Variants in RNFT2 observed in about 807,000 individuals in gnomAD.
The protein encoded by RNFT2 is ring finger protein, transmembrane 2.
A neutral mutation model predicts 53.0 loss-of-function variants in RNFT2; 36 were observed. The ratio of observed to expected loss-of-function variants is 0.68; its 90% CI spans 0.52 to 0.90. The LOEUF (loss-of-function observed/expected upper bound fraction) is 0.90. RNFT2 is among the 40% of genes least tolerant of loss of function. The pLI is 0.00. For synonymous variants in RNFT2, 260 were observed against 253.2 expected, an observed-to-expected ratio of 1.03 and a Z score of -0.26; for missense variants, 514 against 585.6, an observed-to-expected ratio of 0.88 and a Z score of 1.26.
chr12:116,767,785 G>A (rs1592947062), intron 6 of RNFT2, among the ~76,000 whole-genome samples: 1 of 151,278 alleles, frequency 6.6e-6, no homozygotes, highest in African/African-American at 2.4e-5. Flanking sequence ...TCACCATATT[G>A]GTCAAGCTGG....
At chr12:116,844,667 G>A (rs1327604654) in intron 10 of RNFT2, among the ~76,000 whole-genome samples, 1 of 152,022 alleles carries the variant, frequency 6.6e-6, no homozygotes, top group Non-Finnish European at 1.5e-5. Context: ...AAATATAAAG[G>A]GGTCTTAGCA....
chr12:116,837,158 C>A (rs1877018279), intron 10 of RNFT2, among the ~76,000 whole-genome samples: 1 of 152,002 alleles, frequency 6.6e-6, no homozygotes, highest in South Asian at 2.1e-4. Flanking sequence ...CTAAATGCAT[C>A]CCTCCTCCTC....
intron 6 of RNFT2, among the ~76,000 whole-genome samples, chr12:116,778,426 C>G (rs1158844173): frequency 6.6e-6 from 1 of 152,180 alleles, no homozygotes; most frequent in Non-Finnish European, 1.5e-5. Flanking sequence ...AGCCAAGACG[C>G]CCCTGGGGTT....
chr12:116,755,040 C>T (rs1421447201), intron 5 of RNFT2, among the ~76,000 whole-genome samples: 1 of 152,150 alleles, frequency 6.6e-6, no homozygotes, highest in South Asian at 2.1e-4. Flanking sequence ...CTTTTGGGTT[C>T]TTGGTCATGA....
At chr12:116,832,130 CAAAAA>C (rs138431200) in intron 7 of RNFT2, among the ~76,000 whole-genome samples, 14 of 95,320 alleles carry the variant, frequency 1.5e-4, no homozygotes, top group African/African-American at 4.0e-4. Flanking sequence ...GACCTTGTCT[CAAAAA>C]AAAAAAAAAA....
chr12:116,806,380 AAATATATAT>A (rs1260262801), intron 7 of RNFT2, among the ~76,000 whole-genome samples: 41 of 131,328 alleles, frequency 3.1e-4, no homozygotes, highest in African/African-American at 1.1e-3. Flanking sequence ...AAAAAAAAAA[AAATATATAT>A]ATATATATAT....
In RNFT2 at chr12:116,851,754, A is replaced by T; in HGVS notation, c.*2306A>T. The T allele has an allele frequency of 2.7e-6, 2 of 742,888 alleles. No individual in the cohort carries two copies. Among genetic ancestry groups the T allele is most frequent in the East Asian group, 2.7e-5 (1 of 37,256 alleles). The allele number at this position is 742,888 out of a possible 1,614,324, so 46.0% of individuals were successfully genotyped here. A position where few individuals can be genotyped will look rare whatever the true frequency, so the allele number is the denominator to read the frequency against. On this transcript the variant is annotated 3_prime_UTR_variant, in exon 11 of 11. Coordinates refer to ENST00000257575, the MANE Select transcript of RNFT2 (RefSeq NM_001382266.1). Reference sequence around the variant, plus strand: ...AGTGAGACTCTGTCTAAAAAAAAAAAGAAAGAAAGAAGGGAGGGAGGGAGG... The same window carrying T: ...AGTGAGACTCTGTCTAAAAAAAAAATGAAAGAAAGAAGGGAGGGAGGGAGG...
At chr12:116,748,400 G>C (rs1306085294) in intron 3 of RNFT2, among the ~76,000 whole-genome samples, 1 of 152,174 alleles carries the variant, frequency 6.6e-6, no homozygotes, top group African/African-American at 2.4e-5. Flanking sequence ...TGGAACTAGA[G>C]AAAGCAATAT....
rs189742246 is a variant in RNFT2, at chr12:116,774,990, G to A, written c.729-4205G>A. ...AAGAGAGGAGCAACAGGCCATGTGCGGTGGCTCACGCCTGTAATCCAAGCA... is the reference window on the plus strand; with the variant it reads ...AAGAGAGGAGCAACAGGCCATGTGCAGTGGCTCACGCCTGTAATCCAAGCA... On this transcript the variant is annotated intron_variant, in intron 6 of 10. Transcript: ENST00000257575. Among the ~76,000 whole-genome samples the A allele has an allele frequency of 4.9e-4, 75 of 151,960 alleles. 1 individual carries two copies. The highest frequency in any genetic ancestry group is 1.8e-3 in the African/African-American group (73 of 41,440).
chr12:116,744,239 A>AAAAC (rs1871788198), intron 3 of RNFT2, among the ~76,000 whole-genome samples: 1 of 151,450 alleles, frequency 6.6e-6, no homozygotes. Flanking sequence ...AAAAAAAAAA[A>AAAAC]AAAAGAGTTG....
intron 3 of RNFT2, among the ~76,000 whole-genome samples, chr12:116,743,245 C>CAAAAAAAA (rs1491208112): frequency 3.7e-5 from 1 of 27,190 alleles, no homozygotes; most frequent in African/African-American, 1.4e-4. Context: ...AAAAAAAAAA[C>CAAAAAAAA]CGGTTAAAAA....
Position 116,849,778 on chromosome 12 carries a change from TCTTTTTTCTTTTC to T in RNFT2, c.*331_*343del, listed in dbSNP as rs1345069109. 3.3e-5 allele frequency: 36 copies of T among 1,106,064 alleles called. No individual in the cohort carries two copies. Among genetic ancestry groups the T allele is most frequent in the Non-Finnish European group, 4.4e-6 (4 of 903,502 alleles). 68.5% of individuals were successfully genotyped at this position (1,106,064 alleles called of 1,614,324 possible). A position where few individuals can be genotyped will look rare whatever the true frequency, so the allele number is the denominator to read the frequency against. On this transcript the variant is annotated 3_prime_UTR_variant, in exon 11 of 11. Transcript: ENST00000257575. ...TCCCACTTGTTGGTTATTTTCTCTT[TCTTTTTTCTTTTC>T]TTTTCTTTCTCTCTCTCTCTGTTTC...
chr12:116,843,691 C>A (rs764519799), intron 10 of RNFT2, among the ~76,000 whole-genome samples: 2 of 74,356 alleles, frequency 2.7e-5, no homozygotes, highest in Non-Finnish European at 5.0e-5. Flanking sequence ...GCCGTGAACT[C>A]CTCAGCTGGG....
chr12:116,779,422 G>T, intron 7 of RNFT2, 74 bp downstream of exon 7: 2 of 1,532,290 alleles, frequency 1.3e-6, no homozygotes, highest in Non-Finnish European at 9.0e-7. Flanking sequence ...GCCTTCTGAG[G>T]AGGAAAGAAT....
At chr12:116,836,384 G>A (rs951230810) in intron 10 of RNFT2, 102 bp downstream of exon 10, 5 of 975,366 alleles carry the variant, frequency 5.1e-6, no homozygotes, top group South Asian at 2.9e-5. Flanking sequence ...TCTCTGGGGG[G>A]CAATCCGGTT....
At chr12:116,739,051 C>T (rs772020919) in intron 1 of RNFT2, among the ~76,000 whole-genome samples, 1 of 152,014 alleles carries the variant, frequency 6.6e-6, no homozygotes, top group Non-Finnish European at 1.5e-5. Flanking sequence ...TAATCAGTGG[C>T]CCTAGTGACA....
intron 6 of RNFT2, among the ~76,000 whole-genome samples, chr12:116,778,572 C>T (rs1167658558): frequency 2.6e-5 from 4 of 152,206 alleles, no homozygotes; most frequent in East Asian, 3.8e-4. Context: ...TTCCTCTGGC[C>T]GACAGCAGTG....
intron 7 of RNFT2, chr12:116,801,514 C>T (rs995372739): frequency 6.6e-6 from 1 of 152,110 alleles, no homozygotes; most frequent in Non-Finnish European, 1.5e-5. Context: ...CTCATTGAGC[C>T]CCAGTTTCTC....
intron 3 of RNFT2, among the ~76,000 whole-genome samples, chr12:116,743,289 T>C (rs886174191): frequency 7.0e-6 from 1 of 143,772 alleles, no homozygotes; most frequent in Non-Finnish European, 1.5e-5. Flanking sequence ...TTTTTTGAGA[T>C]GGAGTCTTGC....
Sources: allele counts gnomAD v4.1 joint callset (sites outside exome capture counted in the v4.1 genomes callset), GRCh38; gene constraint gnomAD v4.1.1; transcripts MANE v1.5; gene names NCBI Gene and HGNC (gene_info 2026-07-23, HGNC 2026-07-21).